The following BRAF variants were observed in gnomAD, a reference collection of about 807,000 sequenced individuals.
BRAF encodes the protein B-Raf proto-oncogene, serine/threonine kinase, also known as serine/threonine-protein kinase B-raf.
In BRAF, 16 loss-of-function variants were observed where a neutral mutation model predicts 104.6. The ratio of observed to expected loss-of-function variants is 0.15; its 90% confidence interval spans 0.10 to 0.23. BRAF has a LOEUF of 0.23. Among genes scored for constraint, BRAF ranks in the 10% least tolerant of loss-of-function variants. The pLI is 1.00. For synonymous variants in BRAF, 310 were observed against 341.6 expected (o/e 0.91, Z 1.02); for missense variants, 541 against 937.3 (o/e 0.58, Z 5.52).
At chr7:140,810,346 A>G (rs547009331) in intron 3 of BRAF, among the ~76,000 whole-genome samples, 4 of 152,300 alleles carry the variant, frequency 2.6e-5, no homozygotes, top group African/African-American at 9.6e-5. Context: ...AGGTGGGTGG[A>G]TCATTTGAGG....
rs1375597714 is a variant in BRAF, at chr7:140,903,131, G to A, written c.138+21435C>T. Among the ~76,000 whole-genome samples, 3 of 151,866 alleles carry A rather than the reference G, an allele frequency of 2.0e-5. No homozygotes were observed. The East Asian group carries it at 5.8e-4, about 29-fold the overall frequency. ...AGTAGAGACAGGGTTTCTCCATGTT[G>A]GCCAGGCTGGTCTTGAACTCCCGGC... is the stretch of plus-strand genomic sequence containing the variant. On this transcript the variant is annotated intron_variant, in intron 1 of 19. Transcript: ENST00000644969.
chr7:140,756,784 T>C (rs1798239058), intron 14 of BRAF, among the ~76,000 whole-genome samples: 1 of 152,130 alleles, frequency 6.6e-6, no homozygotes, highest in Non-Finnish European at 1.5e-5. Flanking sequence ...AACAACACAT[T>C]CTCTTGATAG....
At position 140,726,243 on chromosome 7, in the gene BRAF, C is replaced by A; in HGVS notation, c.*251G>T. 1 of 1,326,396 alleles carries A rather than the reference C, an allele frequency of 7.5e-7. No homozygotes were observed. Among genetic ancestry groups the A allele is most frequent in the Non-Finnish European group, 9.6e-7 (1 of 1,041,804 alleles). 82.2% of individuals were successfully genotyped at this position (1,326,396 alleles called of 1,614,324 possible). The stretch of plus-strand genomic sequence containing the variant: ...AATTCAGGGTCTCTCCTCTTTCTTC[C>A]TGGGACTGGGCAGACTTGTATGCTC... On this transcript the variant is annotated 3_prime_UTR_variant, in exon 20 of 20. Transcript: ENST00000644969.
At position 140,827,979 on chromosome 7, in the gene BRAF, C is replaced by T. The variant is rs556969724; in HGVS notation, c.504+6630G>A. Among the ~76,000 whole-genome samples the T allele has an allele frequency of 8.5e-5, 13 of 152,290 alleles. No homozygotes were observed. The South Asian group carries it at 1.5e-3, about 17-fold the overall frequency. On this transcript the variant is annotated intron_variant, in intron 3 of 19. Coordinates refer to ENST00000644969, the MANE Select transcript of BRAF (RefSeq NM_001374258.1). ...CGGCGCAATCTCGGCTCACCGCAACCTCCACCTCCCAGGTTCAAGCGATTC... is the reference window on the plus strand; with the variant it reads ...CGGCGCAATCTCGGCTCACCGCAACTTCCACCTCCCAGGTTCAAGCGATTC...
intron 3 of BRAF, among the ~76,000 whole-genome samples, chr7:140,817,307 A>G (rs151063022): frequency 4.5e-4 from 68 of 152,252 alleles, no homozygotes; most frequent in African/African-American, 1.3e-3. Context: ...TGGAGAGAAC[A>G]CATGAAAAAA....
In BRAF at chr7:140,722,315, A is replaced by C. The variant is rs1430530365; in HGVS notation, c.*4179T>G. 2 of 1,055,698 alleles carry C rather than the reference A, an allele frequency of 1.9e-6. No individual in the cohort carries two copies. Among genetic ancestry groups the C allele is most frequent in the Non-Finnish European group, 2.3e-6 (2 of 873,240 alleles). The allele number at this position is 1,055,698 out of a possible 1,614,324, so 65.4% of individuals were successfully genotyped here. On this transcript the variant is annotated 3_prime_UTR_variant, in exon 20 of 20. Transcript: ENST00000644969. ...AACTCTTTAGTGCATTTACCTATGC[A>C]GTCTAAATTGCACTCTAAAAATTAT...
intron 5 of BRAF, among the ~76,000 whole-genome samples, chr7:140,805,657 AG>A (rs1394691379): frequency 1.3e-5 from 2 of 152,208 alleles, no homozygotes; most frequent in African/African-American, 4.8e-5. Context: ...GGCTGTGTGA[AG>A]GAAGACACTG....
At chr7:140,789,610 T>C (rs916887286) in intron 8 of BRAF, among the ~76,000 whole-genome samples, 2 of 152,216 alleles carry the variant, frequency 1.3e-5, no homozygotes, top group African/African-American at 4.8e-5. Context: ...TACAATCTCA[T>C]GGGAAGTAAG....
chr7:140,846,862 TA>T (rs1808608860), intron 2 of BRAF, among the ~76,000 whole-genome samples: 1 of 152,010 alleles, frequency 6.6e-6, no homozygotes, highest in Admixed American at 6.6e-5. Context: ...TCATAGTATA[TA>T]AAATGGTGAT....
intron 2 of BRAF, among the ~76,000 whole-genome samples, chr7:140,848,194 G>T (rs938267806): frequency 3.9e-5 from 6 of 152,130 alleles, no homozygotes; most frequent in Non-Finnish European, 8.8e-5. Flanking sequence ...CTGTCTGGGG[G>T]GTGAGGGTGG....
chr7:140,725,884 A>G lies in BRAF; in HGVS notation c.*610T>C. The G allele has an allele frequency of 9.4e-7, 1 of 1,062,552 alleles. No individual in the cohort carries two copies. Among genetic ancestry groups the G allele is most frequent in the Non-Finnish European group, 1.1e-6 (1 of 877,628 alleles). The allele number at this position is 1,062,552 out of a possible 1,614,324, so 65.8% of individuals were successfully genotyped here. On this transcript the variant is annotated 3_prime_UTR_variant, in exon 20 of 20. Coordinates refer to ENST00000644969, the MANE Select transcript of BRAF (RefSeq NM_001374258.1). The stretch of plus-strand genomic sequence containing the variant: ...GCCCTTTTCCTCCATACCAAGACAC[A>G]TCTACTCACCACTCAGCCTCCATTT...
intron 14 of BRAF, among the ~76,000 whole-genome samples, chr7:140,773,647 G>A (rs1047209338): frequency 3.9e-5 from 6 of 152,166 alleles, no homozygotes; most frequent in African/African-American, 1.4e-4. Context: ...GCAGTTACCT[G>A]GTGAGTAAGA....
intron 16 of BRAF, among the ~76,000 whole-genome samples, chr7:140,749,775 C>A (rs1797641692): frequency 6.6e-6 from 1 of 152,164 alleles, no homozygotes; most frequent in Non-Finnish European, 1.5e-5. Context: ...CAAAGAAATA[C>A]TAGACTTGTG....
rs533680936 is a variant in BRAF, at chr7:140,918,665, C to T, written c.138+5901G>A. Among the ~76,000 whole-genome samples the T allele has an allele frequency of 7.9e-5, 12 of 152,038 alleles. No homozygotes were observed. In the South Asian group the frequency reaches 2.1e-3, roughly 26 times the overall value. On this transcript the variant is annotated intron_variant, in intron 1 of 19. Coordinates refer to ENST00000644969, the MANE Select transcript of BRAF (RefSeq NM_001374258.1). ...CAATTTCATAAGGTGATTTTGTGAC[C>T]GGCAGAAAAAAAGAATAGAATGTTA...
rs1554401863 is a variant in BRAF at position 140,791,531 on chromosome 7, T to TCAATGTACATATGCTCTTTGAG, written c.1140+2776_1140+2777insCTCAAAGAGCATATGTACATTG. ...ATCAGGGTTACATTTTCTCCCCTTT[T>TCAATGTACATATGCTCTTTGAG]CAATTTACATATGCTCTTTGAGCAA... On this transcript the variant is annotated intron_variant, in intron 8 of 19. Transcript: ENST00000644969. Among the ~76,000 whole-genome samples the TCAATGTACATATGCTCTTTGAG allele has an allele frequency of 2.6e-4, 39 of 152,074 alleles. 1 individual carries two copies. The East Asian group carries it at 7.0e-3, about 27-fold the overall frequency.
In BRAF at chr7:140,924,449, T is replaced by C. The variant is rs1818632680; in HGVS notation, c.138+117A>G. On this transcript the variant is annotated intron_variant, in intron 1 of 19. Transcript: ENST00000644969. The surrounding 1 kb of genome is among the most constrained non-coding windows in gnomAD (Gnocchi z 4.2). ...ATGCCCACCTCCCAGCCCGCGGAGCTGGCCCGAGAAGGTGGCTGAGGGCAT... is the reference window on the plus strand; with the variant it reads ...ATGCCCACCTCCCAGCCCGCGGAGCCGGCCCGAGAAGGTGGCTGAGGGCAT... 7.0e-7 allele frequency: 1 copy of C among 1,438,674 alleles called. No individual in the cohort carries two copies. The highest frequency in any genetic ancestry group is 2.0e-5 in the Admixed American group (1 of 49,812). The allele number at this position is 1,438,674 out of a possible 1,614,324, so 89.1% of individuals were successfully genotyped here.
chr7:140,871,278 TG>T (rs1811565502), intron 1 of BRAF, among the ~76,000 whole-genome samples: 2 of 151,288 alleles, frequency 1.3e-5, no homozygotes, highest in Non-Finnish European at 1.5e-5. Context: ...ACTCAGTCTT[TG>T]CCCCCATATA....
At chr7:140,794,273 G>GT (rs759055598) in intron 8 of BRAF, 35 bp downstream of exon 8, 221 of 1,590,114 alleles carry the variant, frequency 1.4e-4, no homozygotes, top group Non-Finnish European at 1.6e-4. Context: ...TACATACTTG[G>GT]TTTTTTTTTA....
intron 1 of BRAF, among the ~76,000 whole-genome samples, chr7:140,867,010 T>G (rs1361231794): frequency 6.6e-6 from 1 of 152,194 alleles, no homozygotes; most frequent in African/African-American, 2.4e-5. Context: ...TTGCAACTTC[T>G]CCATAATATA....
Sources: allele counts gnomAD v4.1 joint callset (sites outside exome capture counted in the v4.1 genomes callset), GRCh38; gene constraint gnomAD v4.1.1; non-coding constraint Gnocchi (gnomAD v3.1); transcripts MANE v1.5; gene names NCBI Gene and HGNC (gene_info 2026-07-23, HGNC 2026-07-21).